ALPK1: variants seen among roughly 807,000 people sequenced by gnomAD.
The protein encoded by ALPK1 is alpha-protein kinase 1.
Under a neutral mutation model 120.6 loss-of-function variants are expected in ALPK1, and 110 were observed. The ratio of observed to expected loss-of-function variants is 0.91; its 90% CI spans 0.78 to 1.07. The LOEUF is 1.07. Among genes scored for constraint, ALPK1 ranks in the 50% least tolerant of loss-of-function variants. The pLI is 0.00. For synonymous variants in ALPK1, 582 were observed against 560.3 expected (o/e 1.04, Z -0.55); for missense variants, 1,498 against 1,483.9 (o/e 1.01, Z -0.16).
At chr4:112,421,926 G>A (rs1734011671) in intron 5 of ALPK1, among the ~76,000 whole-genome samples, 1 of 152,290 alleles carries the variant, frequency 6.6e-6, no homozygotes, top group Non-Finnish European at 1.5e-5. Context: ...CTTAAAGGAA[G>A]CACTTTACAG....
intron 2 of ALPK1, among the ~76,000 whole-genome samples, chr4:112,363,931 G>A (rs979492711): frequency 1.3e-5 from 2 of 152,120 alleles, no homozygotes; most frequent in African/African-American, 4.8e-5. Flanking sequence ...GCAAATACAT[G>A]GAAATGAAAT....
chr4:112,357,190 A>G, intron 2 of ALPK1: 1 of 1,551,686 alleles, frequency 6.4e-7, no homozygotes. Flanking sequence ...TGTTTGCTGA[A>G]GCCCAGAGCA....
chr4:112,427,538 C>T (rs199719196), intron 8 of ALPK1, 32 bp from the exon 9 acceptor site: 35 of 1,532,952 alleles, frequency 2.3e-5, no homozygotes, highest in African/African-American at 5.4e-5. Flanking sequence ...TGTGAATTCC[C>T]GATCTGTGAC....
chr4:112,374,850 A>G (rs1387562168), intron 2 of ALPK1, among the ~76,000 whole-genome samples: 1 of 152,218 alleles, frequency 6.6e-6, no homozygotes, highest in African/African-American at 2.4e-5. Context: ...GGGCACTTAA[A>G]ATATTCAGTA....
At position 112,439,769 on chromosome 4, in the gene ALPK1, G is replaced by A. The variant is rs55840220; in HGVS notation, c.3435G>A (p.Thr1145=). 11,260 of 1,613,488 alleles carry A rather than the reference G, an allele frequency of 7.0e-3. 517 individuals are homozygous for A. In the East Asian group the frequency reaches 0.12, roughly 17 times the overall value. Residue 1145 remains threonine (T), a synonymous_variant, in exon 14 of 16, where the codon ACG becomes ACA. Transcript: ENST00000650871. ...AATTTGTAAAATTGTCAAATAACAC[G>A]AAAGTGGTGAAAACAGAATACAAAG... ...LGEFVKLSNN[T]KVVKTEYKAT...
intron 3 of ALPK1, among the ~76,000 whole-genome samples, chr4:112,380,942 C>A (rs1731875068): frequency 6.6e-6 from 1 of 152,136 alleles, no homozygotes; most frequent in Non-Finnish European, 1.5e-5. Flanking sequence ...ACTGTGAGGT[C>A]ACGGTGGATT....
intron 5 of ALPK1, among the ~76,000 whole-genome samples, chr4:112,420,007 A>T (rs992272514): frequency 9.9e-5 from 15 of 152,210 alleles, no homozygotes; most frequent in African/African-American, 2.9e-4. Context: ...CTTGTTCATC[A>T]TTCCATCTCC....
At chr4:112,423,129 A>T (rs1047697972) in intron 5 of ALPK1, among the ~76,000 whole-genome samples, 8 of 152,230 alleles carry the variant, frequency 5.3e-5, no homozygotes, top group Non-Finnish European at 1.0e-4. Context: ...CTACGTATGT[A>T]ATTTAAAATA....
At chr4:112,361,516 C>A (rs1730911161) in intron 2 of ALPK1, among the ~76,000 whole-genome samples, 2 of 152,212 alleles carry the variant, frequency 1.3e-5, no homozygotes, top group Non-Finnish European at 2.9e-5. Flanking sequence ...AGCATAACTT[C>A]ATTGGCCTGG....
intron 4 of ALPK1, among the ~76,000 whole-genome samples, chr4:112,406,872 C>A (rs950173805): frequency 6.6e-5 from 10 of 152,210 alleles, no homozygotes; most frequent in African/African-American, 2.4e-4. Flanking sequence ...AGTCTATTAT[C>A]ATTAGTCATA....
In ALPK1 at chr4:112,390,832, C is replaced by T. The variant is rs185946992; in HGVS notation, c.276+8280C>T. 5.9e-5 allele frequency among the ~76,000 whole-genome samples: 9 copies of T among 152,084 alleles called. No homozygotes were observed. The East Asian group carries it at 1.7e-3, about 29-fold the overall frequency. On this transcript the variant is annotated intron_variant, in intron 4 of 15. Transcript: ENST00000650871. ...TCCTGATAAAGAAATGAAGTAATCA[C>T]CTGAAGAAGATAATGCTATTTGTTG...
At chr4:112,306,464 T>C (rs1728063567) in intron 1 of ALPK1, among the ~76,000 whole-genome samples, 1 of 152,174 alleles carries the variant, frequency 6.6e-6, no homozygotes, top group Non-Finnish European at 1.5e-5. Flanking sequence ...AACTTCTTCC[T>C]GGTTTAATCT....
chr4:112,372,240 G>A (rs1437372454), intron 2 of ALPK1, among the ~76,000 whole-genome samples: 15 of 147,558 alleles, frequency 1.0e-4, no homozygotes, highest in Admixed American at 6.1e-4. Context: ...TTGAGATGGA[G>A]TCTTGCTCTG....
intron 4 of ALPK1, among the ~76,000 whole-genome samples, chr4:112,411,467 C>A (rs1430838817): frequency 6.7e-6 from 1 of 149,222 alleles, no homozygotes; most frequent in Non-Finnish European, 1.5e-5. Context: ...TCAAGAGATC[C>A]ACACGCCTCG....
intron 1 of ALPK1, among the ~76,000 whole-genome samples, chr4:112,307,900 C>T (rs1262907440): frequency 1.3e-5 from 2 of 152,040 alleles, no homozygotes; most frequent in African/African-American, 4.8e-5. Flanking sequence ...TTTTCCTTTC[C>T]ATGTTTCGTG....
intron 4 of ALPK1, among the ~76,000 whole-genome samples, chr4:112,411,256 G>A (rs1354316299): frequency 3.3e-5 from 5 of 152,148 alleles, no homozygotes; most frequent in Non-Finnish European, 7.3e-5. Context: ...ACGGAGTCTC[G>A]CTCTGTCGCC....
chr4:112,427,555 G>T lies in ALPK1; in HGVS notation c.700-15G>T. The stretch of plus-strand genomic sequence containing the variant: ...TGAATTCCCGATCTGTGACTTCTTT[G>T]TGTTTTTCTTACAGGGCCTCTCCAC... On this transcript the variant is annotated splice_polypyrimidine_tract_variant and intron_variant, in intron 8 of 15. Coordinates refer to ENST00000650871, the MANE Select transcript of ALPK1 (RefSeq NM_025144.4). 6.2e-7 allele frequency: 1 copy of T among 1,601,714 alleles called. No individual in the cohort carries two copies. Among genetic ancestry groups the T allele is most frequent in the Non-Finnish European group, 8.6e-7 (1 of 1,168,790 alleles).
intron 2 of ALPK1, among the ~76,000 whole-genome samples, chr4:112,372,299 C>T (rs1039963584): frequency 8.6e-5 from 13 of 151,674 alleles, no homozygotes; most frequent in Admixed American, 8.5e-4. Context: ...CTGCAGGCTC[C>T]ACCTCCCAGG....
Position 112,431,792 on chromosome 4 carries a change from G to A in ALPK1, c.2245G>A (p.Glu749Lys), listed in dbSNP as rs1469642386. ...QKEEAFEIIV[E>K]FPETNCDVKD... ...AGAAGAAGCCTTTGAAATAATTGTT[G>A]AGTTTCCAGAAACCAACTGCGATGT... Residue 749 changes from glutamate to lysine, a missense_variant, in exon 11 of 16, where the codon GAG becomes AAG. Coordinates refer to ENST00000650871, the MANE Select transcript of ALPK1 (RefSeq NM_025144.4). 1 of 1,614,142 alleles carries A rather than the reference G, an allele frequency of 6.2e-7. No homozygotes were observed. Among genetic ancestry groups the A allele is most frequent in the African/African-American group, 1.3e-5 (1 of 75,054 alleles).
Sources: allele counts gnomAD v4.1 joint callset (sites outside exome capture counted in the v4.1 genomes callset), GRCh38; gene constraint gnomAD v4.1.1; transcripts MANE v1.5; gene names NCBI Gene and HGNC (gene_info 2026-07-23, HGNC 2026-07-21).